The following CEP128 variants were observed in gnomAD, a reference collection of about 807,000 sequenced individuals.
CEP128 encodes the protein centrosomal protein 128kDa.
Under a neutral mutation model 156.7 loss-of-function variants are expected in CEP128, and 132 were observed. That is an observed-to-expected ratio of 0.84 (90% confidence interval 0.73 to 0.97). The LOEUF is 0.97. Ranked by LOEUF, CEP128 falls within the 50% of genes least tolerant of loss-of-function variation. CEP128 has a pLI of 0.00. For synonymous variants in CEP128, 469 were observed against 448.9 expected, an observed-to-expected ratio of 1.04 and a Z score of -0.57; for missense variants, 1,252 against 1,281.9, an observed-to-expected ratio of 0.98 and a Z score of 0.36.
At chr14:80,772,856 T>C (rs537246852) in intron 16 of CEP128, among the ~76,000 whole-genome samples, 3 of 152,340 alleles carry the variant, frequency 2.0e-5, no homozygotes, top group East Asian at 1.9e-4. Context: ...AGTCCAGTGC[T>C]ACCGTGTAAA....
chr14:80,778,009 T>G lies in CEP128; in HGVS notation c.2249A>C (p.His750Pro). Residue 750 changes from histidine (H) to proline (P), a missense_variant, in exon 16 of 25, where the codon CAT becomes CCT. His to Pro is a moderately conservative substitution (Grantham distance 77, BLOSUM62 -2). Transcript: ENST00000555265. ...SLEEKNMAKI[H>P]RGQLEKLKSQ... ...TTTCAACTTCTCCAGCTGACCACGATGAATTTTAGCCATATTCTTCTCTTC... is the reference window on the plus strand; with the variant it reads ...TTTCAACTTCTCCAGCTGACCACGAGGAATTTTAGCCATATTCTTCTCTTC... The G allele has an allele frequency of 6.2e-7, 1 of 1,613,634 alleles. No homozygotes were observed. Among genetic ancestry groups the G allele is most frequent in the Non-Finnish European group, 8.5e-7 (1 of 1,179,878 alleles).
At chr14:80,633,639 G>A (rs1475605758) in intron 19 of CEP128, among the ~76,000 whole-genome samples, 1 of 152,152 alleles carries the variant, frequency 6.6e-6, no homozygotes, top group African/African-American at 2.4e-5. Context: ...CCTAGGACAA[G>A]CAAGACTTCC....
intron 19 of CEP128, among the ~76,000 whole-genome samples, chr14:80,589,970 G>C (rs1891979535): frequency 6.6e-6 from 1 of 152,020 alleles, no homozygotes; most frequent in South Asian, 2.1e-4. Flanking sequence ...TGAAAATTCA[G>C]GTAACAAGCG....
chr14:80,672,069 C>T (rs1895865378), intron 19 of CEP128, among the ~76,000 whole-genome samples: 1 of 152,032 alleles, frequency 6.6e-6, no homozygotes, highest in Non-Finnish European at 1.5e-5. Flanking sequence ...AGACTGGGGC[C>T]TGCCAATTAT....
chr14:80,819,302 A>G (rs898674275), intron 13 of CEP128, among the ~76,000 whole-genome samples: 4 of 127,628 alleles, frequency 3.1e-5, no homozygotes, highest in South Asian at 2.5e-4. Flanking sequence ...GCTGGAGTGC[A>G]GTGGCGCAAT....
intron 8 of CEP128, among the ~76,000 whole-genome samples, chr14:80,895,183 G>T (rs1428780274): frequency 6.6e-6 from 1 of 152,050 alleles, no homozygotes; most frequent in African/African-American, 2.4e-5. Context: ...TGAACAGTGA[G>T]TGTCAACAAT....
At chr14:80,883,270 G>A (rs1284562398) in intron 8 of CEP128, among the ~76,000 whole-genome samples, 1 of 150,228 alleles carries the variant, frequency 6.7e-6, no homozygotes, top group African/African-American at 2.4e-5. Flanking sequence ...CAAAATAAAG[G>A]GCATCCAAAT....
intron 2 of CEP128, chr14:80,955,614 C>T: frequency 1.2e-6 from 2 of 1,600,464 alleles, no homozygotes; most frequent in South Asian, 1.1e-5. Context: ...CTGGGGTAAC[C>T]CGAGGTGCAG....
chr14:80,755,977 T>C (rs1899639498), intron 18 of CEP128, among the ~76,000 whole-genome samples: 1 of 152,226 alleles, frequency 6.6e-6, no homozygotes, highest in African/African-American at 2.4e-5. Context: ...AAGAATCATC[T>C]GTGGCTCTCA....
At chr14:80,866,327 C>T (rs1278058282) in intron 8 of CEP128, among the ~76,000 whole-genome samples, 3 of 152,122 alleles carry the variant, frequency 2.0e-5, no homozygotes, top group Non-Finnish European at 4.4e-5. Context: ...ACTAGGGACA[C>T]CCCTGCAGAC....
At chr14:80,584,185 T>A (rs145105203) in intron 19 of CEP128, among the ~76,000 whole-genome samples, 1,555 of 134,638 alleles carry the variant, frequency 0.012, 12 homozygotes, top group Non-Finnish European at 0.018. Context: ...TCTCATCCGA[T>A]GCCCAGACTG....
chr14:80,583,813 G>C (rs1218509063), intron 19 of CEP128, among the ~76,000 whole-genome samples: 1 of 152,156 alleles, frequency 6.6e-6, no homozygotes, highest in African/African-American at 2.4e-5. Context: ...AAAGTCTCCA[G>C]GGATGTAGTT....
intron 9 of CEP128, among the ~76,000 whole-genome samples, chr14:80,843,870 A>G (rs1478686606): frequency 6.6e-6 from 1 of 151,998 alleles, no homozygotes; most frequent in Admixed American, 6.6e-5. Context: ...GTCTATCTCT[A>G]AAATTCTTTT....
chr14:80,749,790 A>G (rs1262070877), intron 18 of CEP128, among the ~76,000 whole-genome samples: 1 of 152,234 alleles, frequency 6.6e-6, no homozygotes, highest in Non-Finnish European at 1.5e-5. Context: ...TGAAACACAT[A>G]AGAAACAAGT....
At chr14:80,524,263 T>C (rs1188669033) in intron 23 of CEP128, among the ~76,000 whole-genome samples, 1 of 152,202 alleles carries the variant, frequency 6.6e-6, no homozygotes, top group African/African-American at 2.4e-5. Flanking sequence ...AACTGTAGTT[T>C]TCAGTAGAAC....
chr14:80,673,397 A>C (rs1351959390), intron 19 of CEP128, among the ~76,000 whole-genome samples: 1 of 151,828 alleles, frequency 6.6e-6, no homozygotes, highest in African/African-American at 2.4e-5. Context: ...TAATCCCAGC[A>C]CTTTGGGAGG....
At chr14:80,930,843 A>T (rs1387975101) in intron 2 of CEP128, among the ~76,000 whole-genome samples, 1 of 152,260 alleles carries the variant, frequency 6.6e-6, no homozygotes, top group African/African-American at 2.4e-5. Context: ...GCTAAAGCTA[A>T]GAAGTCCTTT....
chr14:80,879,604 C>G (rs1233185436), intron 8 of CEP128, among the ~76,000 whole-genome samples: 2 of 151,572 alleles, frequency 1.3e-5, no homozygotes, highest in African/African-American at 4.9e-5. Flanking sequence ...ACAGAAGAGA[C>G]AGTTTGTGAA....
chr14:80,849,905 T>C (rs1243514910), intron 9 of CEP128, among the ~76,000 whole-genome samples: 10 of 152,106 alleles, frequency 6.6e-5, no homozygotes, highest in Non-Finnish European at 1.5e-4. Flanking sequence ...TGAATATTTA[T>C]AGAAAGTATC....
Sources: gnomAD v4.1 joint callset for allele counts (sites outside exome capture counted in the v4.1 genomes callset) on GRCh38, gnomAD v4.1.1 for gene constraint, MANE v1.5 for transcripts, NCBI Gene and HGNC (gene_info 2026-07-23, HGNC 2026-07-21) for gene names.